Variants in VDAC1 observed in about 807,000 individuals in gnomAD.
VDAC1 encodes non-selective voltage-gated ion channel VDAC1.
A neutral mutation model predicts 34.7 loss-of-function variants in VDAC1; 10 were observed. That is an observed-to-expected ratio of 0.29 (90% CI 0.18 to 0.49). VDAC1 has a LOEUF of 0.49. Ranked by LOEUF, VDAC1 falls within the 20% of genes least tolerant of loss-of-function variation. VDAC1 has a pLI of 0.99. For synonymous variants in VDAC1, 130 were observed against 136.0 expected, an observed-to-expected ratio of 0.96 and a Z score of 0.30; for missense variants, 230 against 347.9, an observed-to-expected ratio of 0.66 and a Z score of 2.69.
chr5:133,992,965 A>T lies in VDAC1; in HGVS notation c.48T>A (p.Asp16Glu), dbSNP rs1370017756. ...ACTCACCATAGCCCTTGGTGAAGAC[A>T]TCCCTGGCAGATTTGCCAAGATCGG... ...TYADLGKSAR[D>E]VFTKGYGFGL... Residue 16 changes from aspartate to glutamate, a missense_variant, in exon 2 of 9, where the codon GAT (aspartate) becomes GAA (glutamate). Asp to Glu is a conservative substitution (Grantham distance 45). Transcript: ENST00000265333. The T allele has an allele frequency of 6.2e-7, 1 of 1,613,754 alleles. No individual in the cohort carries two copies. The highest frequency in any genetic ancestry group is 1.1e-5 in the South Asian group (1 of 90,992).
chr5:134,047,065 T>C, the VDAC1 span, among the ~76,000 whole-genome samples: 5 of 152,222 alleles, frequency 3.3e-5, no homozygotes, highest in African/African-American at 1.2e-4. Context: ...ACTCGGACTA[T>C]CAGGGCTGGT....
the VDAC1 span, among the ~76,000 whole-genome samples, chr5:134,061,893 G>A: frequency 1.1e-4 from 16 of 151,892 alleles, no homozygotes; most frequent in East Asian, 2.7e-3. Context: ...GATATTGTTT[G>A]CTGTAGGTAT....
chr5:134,051,443 G>A, the VDAC1 span, among the ~76,000 whole-genome samples: 1 of 152,212 alleles, frequency 6.6e-6, no homozygotes, highest in African/African-American at 2.4e-5. Context: ...ATTTTGGTTT[G>A]GGGCCAGAGC....
intron 8 of VDAC1, 71 bp from the exon 9 acceptor site, chr5:133,972,933 C>T: frequency 1.5e-6 from 2 of 1,314,684 alleles, no homozygotes; most frequent in South Asian, 1.2e-5. Context: ...AAGATTAACA[C>T]CAAATTCAGA....
the VDAC1 span, among the ~76,000 whole-genome samples, chr5:134,107,189 G>A: frequency 1.6e-4 from 24 of 152,214 alleles, no homozygotes; most frequent in African/African-American, 5.1e-4. Flanking sequence ...CGGGCCAAGT[G>A]ATGGGCAAAG....
At chr5:134,073,581 C>T in the VDAC1 span, among the ~76,000 whole-genome samples, 3 of 152,194 alleles carry the variant, frequency 2.0e-5, no homozygotes, top group African/African-American at 7.2e-5. Context: ...AGCTGAGTCA[C>T]ACACAAGGAT....
the VDAC1 span, among the ~76,000 whole-genome samples, chr5:134,029,220 A>T: frequency 1.4e-4 from 22 of 152,324 alleles, no homozygotes; most frequent in South Asian, 4.3e-3. Context: ...AAGCCTTCAG[A>T]TGGCTGCCCC....
chr5:134,111,680 C>T, the VDAC1 span, among the ~76,000 whole-genome samples: 31 of 152,178 alleles, frequency 2.0e-4, no homozygotes, highest in African/African-American at 7.2e-4. Context: ...CAACATGAGC[C>T]ACCCAGAAAG....
the VDAC1 span, among the ~76,000 whole-genome samples, chr5:134,101,678 C>T: frequency 6.6e-6 from 1 of 152,124 alleles, no homozygotes; most frequent in African/African-American, 2.4e-5. Flanking sequence ...TTGCTATTAT[C>T]CCACCAGCCT....
At chr5:134,057,437 A>G in the VDAC1 span, among the ~76,000 whole-genome samples, 111,824 of 150,636 alleles carry the variant, frequency 0.74, 41,902 homozygotes, top group East Asian at 0.89. Flanking sequence ...CCAAGATCAC[A>G]CCACTGCACT....
chr5:133,972,393 C>G lies in VDAC1; in HGVS notation c.*378G>C. ...ACACACCATCAAGCAGCGAGCCTCT[C>G]ATCAATTAGGGTTAGGGAACCAAGG... is the stretch of plus-strand genomic sequence containing the variant. On this transcript the variant is annotated 3_prime_UTR_variant, in exon 9 of 9. Transcript: ENST00000265333. The G allele has an allele frequency of 2.4e-6, 1 of 409,816 alleles. No individual in the cohort carries two copies. Among genetic ancestry groups the G allele is most frequent in the Non-Finnish European group, 4.3e-6 (1 of 232,932 alleles). 25.4% of individuals were successfully genotyped at this position (409,816 alleles called of 1,614,324 possible).
At chr5:134,058,182 C>G in the VDAC1 span, among the ~76,000 whole-genome samples, 5 of 152,168 alleles carry the variant, frequency 3.3e-5, no homozygotes, top group Non-Finnish European at 5.9e-5. Flanking sequence ...GCCACCACGC[C>G]CAGTTGCTTC....
At chr5:134,105,840 T>C in the VDAC1 span, among the ~76,000 whole-genome samples, 1 of 152,236 alleles carries the variant, frequency 6.6e-6, no homozygotes, top group African/African-American at 2.4e-5. Flanking sequence ...GTGCCCACAC[T>C]AGAAACTCCC....
chr5:133,984,956 T>G (rs1008966095), intron 5 of VDAC1, among the ~76,000 whole-genome samples: 1 of 152,008 alleles, frequency 6.6e-6, no homozygotes, highest in Non-Finnish European at 1.5e-5. Flanking sequence ...AAATAAAAAT[T>G]TAAAAAGTAA....
intron 7 of VDAC1, among the ~76,000 whole-genome samples, chr5:133,974,516 T>C (rs1184000152): frequency 5.9e-5 from 9 of 152,292 alleles, no homozygotes; most frequent in African/African-American, 1.9e-4. Context: ...CTTTTAACAG[T>C]CCGCATGATA....
intron 6 of VDAC1, among the ~76,000 whole-genome samples, chr5:133,977,599 CAG>C (rs916236468): frequency 6.6e-6 from 1 of 152,212 alleles, no homozygotes; most frequent in Non-Finnish European, 1.5e-5. Flanking sequence ...ACGAAGAGCT[CAG>C]AGTCTACACT....
chr5:134,029,987 C>T, the VDAC1 span, among the ~76,000 whole-genome samples: 26 of 152,236 alleles, frequency 1.7e-4, no homozygotes, highest in East Asian at 3.9e-4. Context: ...GTGACAGGTA[C>T]GTGAGACCTC....
the VDAC1 span, among the ~76,000 whole-genome samples, chr5:134,110,768 T>C: frequency 6.6e-6 from 1 of 152,180 alleles, no homozygotes; most frequent in African/African-American, 2.4e-5. Flanking sequence ...CTTTGAGACG[T>C]TTTCTGGAAA....
the VDAC1 span, among the ~76,000 whole-genome samples, chr5:134,033,536 G>A: frequency 8.4e-4 from 128 of 152,090 alleles, no homozygotes; most frequent in African/African-American, 2.8e-3. Context: ...ATGAGGAAAT[G>A]TGAATGGATA....
Sources: gnomAD v4.1 joint callset for allele counts (sites outside exome capture counted in the v4.1 genomes callset) on GRCh38, gnomAD v4.1.1 for gene constraint, MANE v1.5 for transcripts, NCBI Gene and HGNC (gene_info 2026-07-23, HGNC 2026-07-21) for gene names.